The following SEZ6L variants were observed in gnomAD, a reference collection of about 807,000 sequenced individuals.
The protein encoded by SEZ6L is seizure related 6 homolog like, also known as seizure 6-like protein.
SEZ6L carries 37 observed loss-of-function variants against 106.2 expected under a neutral mutation model. The ratio of observed to expected loss-of-function variants is 0.35; its 90% CI spans 0.27 to 0.46. The LOEUF (loss-of-function observed/expected upper bound fraction) is 0.46, where lower values mean the gene tolerates loss of function less well. Ranked by LOEUF, SEZ6L falls within the 20% of genes least tolerant of loss-of-function variation. The pLI, the probability that SEZ6L is intolerant of heterozygous loss-of-function variation, is 1.00. For missense variants in SEZ6L, 1,172 were observed against 1,332.8 expected, an observed-to-expected ratio of 0.88 and a Z score of 1.88; for synonymous variants, 541 against 570.4, an observed-to-expected ratio of 0.95 and a Z score of 0.73.
chr22:26,242,034 C>T (rs2079153293), intron 1 of SEZ6L, among the ~76,000 whole-genome samples: 2 of 152,208 alleles, frequency 1.3e-5, no homozygotes, highest in African/African-American at 2.4e-5. Context: ...GAGGTGGATG[C>T]AGATGCCGCT....
chr22:26,191,125 T>A (rs1036896030), intron 1 of SEZ6L, among the ~76,000 whole-genome samples: 2 of 152,238 alleles, frequency 1.3e-5, no homozygotes, highest in Non-Finnish European at 2.9e-5. Flanking sequence ...AATAGGTCCA[T>A]GCCAGGTCTC....
chr22:26,325,963 C>T (rs1256291750), intron 9 of SEZ6L, among the ~76,000 whole-genome samples: 3 of 151,652 alleles, frequency 2.0e-5, no homozygotes, highest in Non-Finnish European at 4.4e-5. Flanking sequence ...ACATTGATCC[C>T]TCTGAGCTTG....
chr22:26,288,903 G>A (rs539005546), intron 1 of SEZ6L, among the ~76,000 whole-genome samples: 1 of 151,952 alleles, frequency 6.6e-6, no homozygotes, highest in East Asian at 1.9e-4. Context: ...GGAGCTGGCT[G>A]GCCAGATAAC....
At chr22:26,327,121 A>G (rs2082330330) in intron 9 of SEZ6L, among the ~76,000 whole-genome samples, 1 of 152,044 alleles carries the variant, frequency 6.6e-6, no homozygotes, top group South Asian at 2.1e-4. Flanking sequence ...TTCTGCTGGG[A>G]GAAGCTCTGT....
rs371557415 is a variant in SEZ6L, at chr22:26,246,194, C to T, written c.95-46212C>T. On this transcript the variant is annotated intron_variant, in intron 1 of 16. Transcript: ENST00000248933. ...TCACACTGGGTCTGGGTTCCATGTC[C>T]GTTTCCATTCTAGGTGATCCTAAAT... Among the ~76,000 whole-genome samples, 125 of 152,226 alleles carry T rather than the reference C, an allele frequency of 8.2e-4. 3 individuals are homozygous for T. The South Asian group carries it at 0.024, about 29-fold the overall frequency.
intron 1 of SEZ6L, among the ~76,000 whole-genome samples, chr22:26,255,195 C>G (rs1402927402): frequency 1.3e-5 from 2 of 152,164 alleles, no homozygotes; most frequent in Non-Finnish European, 2.9e-5. Flanking sequence ...CAGTGCAAAC[C>G]TCCAGTGCCC....
intron 9 of SEZ6L, among the ~76,000 whole-genome samples, chr22:26,335,537 A>G (rs2082619333): frequency 6.6e-6 from 1 of 152,176 alleles, no homozygotes; most frequent in Non-Finnish European, 1.5e-5. Flanking sequence ...TGTCTTTAAT[A>G]GGATATTAAA....
At chr22:26,375,474 C>G in intron 14 of SEZ6L, 101 bp from the exon 15 acceptor site, 1 of 896,416 alleles carries the variant, frequency 1.1e-6, no homozygotes. Context: ...AGCCTTAGAC[C>G]TTGGAAAGCC....
At position 26,294,928 on chromosome 22, in the gene SEZ6L, TC is replaced by T. The variant is rs1282598296; in HGVS notation, c.969+504del. Among the ~76,000 whole-genome samples, 277 of 137,328 alleles carry T rather than the reference TC, an allele frequency of 2.0e-3. 6 individuals are homozygous for T. The highest frequency in any genetic ancestry group is 7.3e-3 in the African/African-American group (262 of 35,658). The allele number at this position is 137,328 out of a possible 152,430, so 90.1% of individuals were successfully genotyped here. On this transcript the variant is annotated intron_variant, in intron 3 of 16. Transcript: ENST00000248933. ...TGCTTCCTGCTTTCTTGCTTCTTTC[TC>T]TTTCTCTTTCTTTCTTTCTTTCTTT...
chr22:26,353,056 C>A (rs1191022688), intron 12 of SEZ6L, among the ~76,000 whole-genome samples: 1 of 152,138 alleles, frequency 6.6e-6, no homozygotes, highest in South Asian at 2.1e-4. Context: ...CTTATTTTCT[C>A]TTCTCAAAAA....
Position 26,293,315 on chromosome 22 carries a change from T to C in SEZ6L, c.835+169T>C, listed in dbSNP as rs188462591. On this transcript the variant is annotated intron_variant, in intron 2 of 16. Coordinates refer to ENST00000248933, the MANE Select transcript of SEZ6L (RefSeq NM_021115.5). ...CTGTGGCTCAGAATTAATAGCCTCA[T>C]TTCATTTGTTTGTTGTTTTGGGGGG... Among the ~76,000 whole-genome samples, 96 of 152,294 alleles carry C rather than the reference T, an allele frequency of 6.3e-4. 3 individuals are homozygous for C. The highest frequency in any genetic ancestry group is 2.2e-3 in the African/African-American group (93 of 41,562).
In SEZ6L at chr22:26,314,292, C is replaced by T. The variant is rs190576022; in HGVS notation, c.2015+390C>T. On this transcript the variant is annotated intron_variant, in intron 9 of 16. Coordinates refer to ENST00000248933, the MANE Select transcript of SEZ6L (RefSeq NM_021115.5). Reference sequence around the variant, plus strand: ...AAAGGAAGGTCAGAGAAGTCTTCCCCGAGGATCTGATACTAAAGCTCAGAA... The same window carrying T: ...AAAGGAAGGTCAGAGAAGTCTTCCCTGAGGATCTGATACTAAAGCTCAGAA... Among the ~76,000 whole-genome samples the T allele has an allele frequency of 5.3e-5, 8 of 152,270 alleles. No homozygotes were observed. The South Asian group carries it at 1.0e-3, about 20-fold the overall frequency.
At chr22:26,353,778 G>A (rs547628704) in intron 12 of SEZ6L, among the ~76,000 whole-genome samples, 16 of 151,878 alleles carry the variant, frequency 1.1e-4, no homozygotes, top group African/African-American at 3.1e-4. Context: ...TGGACCTAGC[G>A]TCTTTGACAT....
intron 1 of SEZ6L, among the ~76,000 whole-genome samples, chr22:26,216,656 AAAAAAGAAAAAGGAAAAG>A (rs2078308473): frequency 7.2e-6 from 1 of 138,142 alleles, no homozygotes; most frequent in South Asian, 2.3e-4. Context: ...ACTCCATCTC[AAAAAAGAAAAAGGAAAAG>A]AAAAAGAAAA....
At chr22:26,348,702 G>GA (rs1260699426) in intron 11 of SEZ6L, among the ~76,000 whole-genome samples, 33 of 91,432 alleles carry the variant, frequency 3.6e-4, no homozygotes, top group Non-Finnish European at 6.3e-4. Context: ...AAGAAAGAAA[G>GA]AAGGCAAGGG....
intron 1 of SEZ6L, among the ~76,000 whole-genome samples, chr22:26,264,241 T>C (rs2080106242): frequency 6.6e-6 from 1 of 152,256 alleles, no homozygotes; most frequent in Non-Finnish European, 1.5e-5. Flanking sequence ...ATTTGGTAAC[T>C]GTGAGAGTTC....
intron 1 of SEZ6L, among the ~76,000 whole-genome samples, chr22:26,219,419 T>A (rs527344721): frequency 1.3e-5 from 2 of 152,098 alleles, no homozygotes; most frequent in African/African-American, 4.8e-5. Flanking sequence ...ATATAGACAG[T>A]TTGAAAGAAT....
intron 9 of SEZ6L, among the ~76,000 whole-genome samples, chr22:26,315,295 C>T (rs1203406617): frequency 6.6e-6 from 1 of 152,078 alleles, no homozygotes; most frequent in Non-Finnish European, 1.5e-5. Flanking sequence ...GTCCCAACAA[C>T]ATAGAGGCAT....
chr22:26,294,088 C>T (rs1285778708), intron 2 of SEZ6L, among the ~76,000 whole-genome samples: 3 of 152,162 alleles, frequency 2.0e-5, no homozygotes, highest in Non-Finnish European at 2.9e-5. Context: ...TGGTGCCTAG[C>T]AGGATATAGT....
Sources: gnomAD v4.1 joint callset for allele counts (sites outside exome capture counted in the v4.1 genomes callset) on GRCh38, gnomAD v4.1.1 for gene constraint, MANE v1.5 for transcripts, NCBI Gene and HGNC (gene_info 2026-07-23, HGNC 2026-07-21) for gene names.